Variants in LARP1 observed in about 807,000 individuals in gnomAD.
LARP1 encodes la-related protein 1.
Under a neutral mutation model 122.7 loss-of-function variants are expected in LARP1, and 36 were observed. That is an observed-to-expected ratio of 0.29 (90% CI 0.22 to 0.39). LARP1 has a LOEUF of 0.39. Ranked by LOEUF, LARP1 falls within the 10% of genes least tolerant of loss-of-function variation. LARP1 has a pLI of 1.00. For synonymous variants in LARP1, 539 were observed against 528.7 expected, an observed-to-expected ratio of 1.02 and a Z score of -0.27; for missense variants, 1,040 against 1,403.6, an observed-to-expected ratio of 0.74 and a Z score of 4.14.
Position 154,813,945 on chromosome 5 carries a change from G to GC in LARP1, c.3141dup (p.Gly1048ArgfsTer2), listed in dbSNP as rs1759489327. 6.2e-7 allele frequency: 1 copy of GC among 1,613,976 alleles called. No homozygotes were observed. Among genetic ancestry groups the GC allele is most frequent in the Admixed American group, 1.7e-5 (1 of 60,004 alleles). ...CACTCAGTGGTAGCAGGAGGTGGCG[G>GC]CGGTGAGGGCAGGAAGCGGTGCCCC... is the stretch of plus-strand genomic sequence containing the variant. On this transcript the variant is annotated frameshift_variant, in exon 19 of 19. Coordinates refer to ENST00000518297, the MANE Select transcript of LARP1 (RefSeq NM_033551.3). LOFTEE classifies it high-confidence loss of function.
rs192157953 is a variant in LARP1, at chr5:154,804,085, T to G, written c.2440-116T>G. 19 of 781,012 alleles carry G rather than the reference T, an allele frequency of 2.4e-5. No homozygotes were observed. The East Asian group carries it at 4.4e-4, about 18-fold the overall frequency. The allele number at this position is 781,012 out of a possible 1,614,324, so 48.4% of individuals were successfully genotyped here. A position where few individuals can be genotyped will look rare whatever the true frequency, so the allele number is the denominator to read the frequency against. On this transcript the variant is annotated intron_variant, in intron 13 of 18. Coordinates refer to ENST00000518297, the MANE Select transcript of LARP1 (RefSeq NM_033551.3). ...TGTGAACTTTATACGAGAATGAATA[T>G]GAAAATGCTGTTGTAAAATGTGAGA...
chr5:154,710,539 C>T (rs1358392584), upstream of LARP1, among the ~76,000 whole-genome samples: 7 of 151,910 alleles, frequency 4.6e-5, no homozygotes, highest in African/African-American at 1.5e-4. Context: ...GTCAGGAGTT[C>T]GAGACCAGCC....
rs986402062 is a variant in LARP1 at position 154,815,558 on chromosome 5, C to T, written c.*1462C>T. ...AAAAGGTGGAGAAAGATGCCATTCTCTCCCTAAGGTCTGGTGGAGTCTCCC... is the reference window on the plus strand; with the variant it reads ...AAAAGGTGGAGAAAGATGCCATTCTTTCCCTAAGGTCTGGTGGAGTCTCCC... On this transcript the variant is annotated 3_prime_UTR_variant, in exon 19 of 19. Transcript: ENST00000518297. 6.6e-6 allele frequency: 1 copy of T among 152,132 alleles called. No homozygotes were observed. The highest frequency in any genetic ancestry group is 6.6e-5 in the Admixed American group (1 of 15,258). 9.4% of individuals were successfully genotyped at this position (152,132 alleles called of 1,614,324 possible). A position where few individuals can be genotyped will look rare whatever the true frequency, so the allele number is the denominator to read the frequency against.
rs34512178 is a variant in LARP1, at chr5:154,698,180, TCA to T, written c.-180+15144_-180+15145del. Among the ~76,000 whole-genome samples, 131 of 152,348 alleles carry T rather than the reference TCA, an allele frequency of 8.6e-4. 2 individuals are homozygous for T. The East Asian group carries it at 0.024, about 28-fold the overall frequency. Reference sequence around the variant, plus strand: ...TTTTTATGGTAAACAGCGTGATATTTCAATACATATATACAATGTGTAATCAT... The same window carrying T: ...TTTTTATGGTAAACAGCGTGATATTTATACATATATACAATGTGTAATCAT... On this transcript the variant is annotated intron_variant, in intron 1 of 18. Coordinates refer to the LARP1 transcript ENST00000687700.
chr5:154,692,324 C>G (rs1754262059), intron 1 of LARP1, among the ~76,000 whole-genome samples: 1 of 152,184 alleles, frequency 6.6e-6, no homozygotes. Context: ...ATTGCTAAAC[C>G]TTGATTTCCA....
Position 154,739,766 on chromosome 5 carries a change from G to T in LARP1, c.205+26636G>T, listed in dbSNP as rs146458157. On this transcript the variant is annotated intron_variant, in intron 1 of 18. Coordinates refer to the LARP1 transcript ENST00000336314. ...CTCTTTATTCAGATGAGGATTCTAA[G>T]ACTCGGAAAGACAAAGTGAATGTTC... is the stretch of plus-strand genomic sequence containing the variant. Among the ~76,000 whole-genome samples the T allele has an allele frequency of 2.3e-3, 350 of 152,282 alleles. 1 individual carries two copies. The highest frequency in any genetic ancestry group is 8.3e-3 in the African/African-American group (346 of 41,556).
At chr5:154,798,545 T>C (rs1758074340) in intron 8 of LARP1, among the ~76,000 whole-genome samples, 1 of 152,100 alleles carries the variant, frequency 6.6e-6, no homozygotes, top group South Asian at 2.1e-4. Context: ...TTTTTGAGAC[T>C]AGGTCTTGCT....
rs116751872 is a variant in LARP1, at chr5:154,784,888, A to G, written c.437-5437A>G. Among the ~76,000 whole-genome samples, 773 of 152,346 alleles carry G rather than the reference A, an allele frequency of 5.1e-3. 2 individuals carry two copies. The highest frequency in any genetic ancestry group is 0.017 in the African/African-American group (726 of 41,586). ...AGTGAAAACACTTTTAAATCTTTTT[A>G]TCTGGCTGTGTACTGGCCAGGGTTA... On this transcript the variant is annotated intron_variant, in intron 1 of 18. Coordinates refer to ENST00000518297, the MANE Select transcript of LARP1 (RefSeq NM_033551.3).
chr5:154,701,363 C>A (rs575131961), intron 1 of LARP1, among the ~76,000 whole-genome samples: 7 of 152,138 alleles, frequency 4.6e-5, no homozygotes, highest in Non-Finnish European at 8.8e-5. Context: ...GAGAGGTTTG[C>A]ATTTTACAGT....
chr5:154,708,762 C>T (rs1209676515), upstream of LARP1, among the ~76,000 whole-genome samples: 1 of 152,060 alleles, frequency 6.6e-6, no homozygotes, highest in Non-Finnish European at 1.5e-5. Context: ...TAGGCATGCA[C>T]CACCACACCC....
chr5:154,705,117 CAAAA>C (rs35003168), intron 1 of LARP1, among the ~76,000 whole-genome samples: 2 of 107,216 alleles, frequency 1.9e-5, no homozygotes, highest in Non-Finnish European at 1.8e-5. Context: ...GACTCCGTCT[CAAAA>C]AAAAAAAAAA....
At chr5:154,773,250 AG>A (rs1307490732) in intron 1 of LARP1, among the ~76,000 whole-genome samples, 2 of 152,086 alleles carry the variant, frequency 1.3e-5, no homozygotes, top group Non-Finnish European at 1.5e-5. Context: ...AACTATGGCT[AG>A]GGGGGCAGGG....
At chr5:154,709,752 A>G (rs1434032248), upstream of LARP1, among the ~76,000 whole-genome samples, 2 of 152,062 alleles carry the variant, frequency 1.3e-5, no homozygotes, top group Non-Finnish European at 2.9e-5. Flanking sequence ...ATGGACTAAA[A>G]TAAGTGTCAG....
intron 1 of LARP1, among the ~76,000 whole-genome samples, chr5:154,747,986 A>G (rs929421714): frequency 6.6e-5 from 10 of 152,300 alleles, no homozygotes; most frequent in African/African-American, 1.9e-4. Flanking sequence ...GTCTTGCCCT[A>G]CAGGTATGCG....
intron 16 of LARP1, among the ~76,000 whole-genome samples, chr5:154,810,695 C>T (rs1311946673): frequency 3.9e-5 from 6 of 152,144 alleles, no homozygotes; most frequent in Admixed American, 3.9e-4. Flanking sequence ...CCATGTTGGC[C>T]AGGCTGGTCT....
intron 1 of LARP1, among the ~76,000 whole-genome samples, chr5:154,688,270 A>G (rs1754028697): frequency 6.6e-6 from 1 of 152,098 alleles, no homozygotes; most frequent in Admixed American, 6.6e-5. Context: ...ATCCCTGAAT[A>G]TAGTTTATTT....
intron 1 of LARP1, among the ~76,000 whole-genome samples, chr5:154,761,853 C>T (rs1754474388): frequency 6.6e-6 from 1 of 152,178 alleles, no homozygotes; most frequent in Non-Finnish European, 1.5e-5. Flanking sequence ...TTTGTCTAAC[C>T]TGTTTTCCTT....
intron 1 of LARP1, chr5:154,757,400 T>G (rs2113560663): frequency 1.4e-5 from 2 of 142,402 alleles, no homozygotes; most frequent in South Asian, 4.5e-4. Flanking sequence ...ATCGTCGGCT[T>G]GGGTGGGGGG....
At chr5:154,687,444 T>G (rs555537652) in intron 1 of LARP1, among the ~76,000 whole-genome samples, 4 of 152,338 alleles carry the variant, frequency 2.6e-5, no homozygotes, top group East Asian at 3.9e-4. Context: ...TGCAGTGGCG[T>G]GATCTCGGCT....
Sources: allele counts gnomAD v4.1 joint callset (sites outside exome capture counted in the v4.1 genomes callset), GRCh38; gene constraint gnomAD v4.1.1; transcripts MANE v1.5; gene names NCBI Gene and HGNC (gene_info 2026-07-23, HGNC 2026-07-21).